Variants in COL7A1 observed in about 807,000 individuals in gnomAD.
COL7A1 encodes collagen type VII alpha 1 chain, also known as collagen alpha-1(VII) chain.
In COL7A1, 296 loss-of-function variants were observed where a neutral mutation model predicts 456.2. The ratio of observed to expected loss-of-function variants is 0.65; its 90% CI spans 0.59 to 0.71. The LOEUF is 0.71. COL7A1 is among the 30% of genes least tolerant of loss of function. The pLI, the probability that COL7A1 is intolerant of heterozygous loss-of-function variation, is 0.00. For synonymous variants in COL7A1, 1,464 were observed against 1,525.9 expected (o/e 0.96, Z 0.95); for missense variants, 3,441 against 4,017.2 (o/e 0.86, Z 3.88).
chr3:48,572,502 C>T lies in COL7A1; in HGVS notation c.6936+1G>A, dbSNP rs1453794304. 6.2e-7 allele frequency: 1 copy of T among 1,613,904 alleles called. No individual in the cohort carries two copies. The highest frequency in any genetic ancestry group is 8.5e-7 in the Non-Finnish European group (1 of 1,179,926). On this transcript the variant is annotated splice_donor_variant, in intron 89 of 118. Transcript: ENST00000681320. LOFTEE classifies it high-confidence loss of function. This position sits in a 1 kb window ranked among gnomAD's most constrained non-coding sequence, Gnocchi z 4.6. The stretch of plus-strand genomic sequence containing the variant: ...TCACTGGCAGCCCCACACACACTCA[C>T]CTTCTCTCCCTTTGCTCCAGGGAGC...
At chr3:48,582,690 G>A (rs2044856638) in intron 44 of COL7A1, 37 bp from the exon 45 acceptor site, 1 of 1,609,940 alleles carries the variant, frequency 6.2e-7, no homozygotes, top group Non-Finnish European at 8.5e-7. Context: ...GCAGGTGGGT[G>A]GGGACGGGGG....
chr3:48,581,965 A>C lies in COL7A1; in HGVS notation c.4636-22T>G. On this transcript the variant is annotated intron_variant, in intron 47 of 118. Transcript: ENST00000681320. This position sits in a 1 kb window ranked among gnomAD's most constrained non-coding sequence, Gnocchi z 5.8. ...GTCCCTGAAAACAAACAGGACAGAT[A>C]CAGCTTGGCCCTGCCTTGGGGTTGT... 1 of 1,613,998 alleles carries C rather than the reference A, an allele frequency of 6.2e-7. No individual in the cohort carries two copies. The highest frequency in any genetic ancestry group is 1.1e-5 in the South Asian group (1 of 91,084).
In COL7A1 at chr3:48,593,551, G is replaced by A; in HGVS notation, c.412C>T (p.Pro138Ser). 1 of 1,614,194 alleles carries A rather than the reference G, an allele frequency of 6.2e-7. No individual in the cohort carries two copies. The highest frequency in any genetic ancestry group is 8.5e-7 in the Non-Finnish European group (1 of 1,180,034). Residue 138 changes from proline to serine, a missense_variant, in exon 4 of 119, where the codon CCT becomes TCT. Pro to Ser is a moderately conservative substitution (Grantham distance 74). Transcript: ENST00000681320. This position sits in a 1 kb window ranked among gnomAD's most constrained non-coding sequence, Gnocchi z 4.4. ...DHVFLPQLAR[P>S]GVPKVCILIT... ...GTAGGGATCACCTTGGGGACACCAGGTCGGGCCAGCTGGGGCAGGAAGACA... is the reference window on the plus strand; with the variant it reads ...GTAGGGATCACCTTGGGGACACCAGATCGGGCCAGCTGGGGCAGGAAGACA...
chr3:48,566,353 T>C lies in COL7A1; in HGVS notation c.8359-38A>G, dbSNP rs765171880. 4 of 1,605,406 alleles carry C rather than the reference T, an allele frequency of 2.5e-6. No individual in the cohort carries two copies. The South Asian group carries it at 4.4e-5, about 18-fold the overall frequency. Reference sequence around the variant, plus strand: ...GACCACAGGGACCATAAAGAACCCATGGCCCACAGGAAGGACATAGGGCAC... The same window carrying C: ...GACCACAGGGACCATAAAGAACCCACGGCCCACAGGAAGGACATAGGGCAC... On this transcript the variant is annotated intron_variant, in intron 113 of 118. Transcript: ENST00000681320. The surrounding 1 kb of genome is among the most constrained non-coding windows in gnomAD (Gnocchi z 5.9).
Position 48,566,907 on chromosome 3 carries a change from C to T in COL7A1, c.8226G>A (p.Lys2742=), listed in dbSNP as rs1471106443. 1.2e-6 allele frequency: 2 copies of T among 1,601,024 alleles called. No individual in the cohort carries two copies. The highest frequency in any genetic ancestry group is 2.2e-5 in the East Asian group (1 of 44,498). The change falls in exon 111 of 119, where the codon AAG becomes AAA. Residue 2742 remains lysine, a splice_region_variant and synonymous_variant. Coordinates refer to ENST00000681320, the MANE Select transcript of COL7A1 (RefSeq NM_000094.4). This position sits in a 1 kb window ranked among gnomAD's most constrained non-coding sequence, Gnocchi z 5.9. ...PRGPEGLQGQ[K]GERGPPGERV... ...AGGAGTCAGAGCTGGGGCCCCTTAC[C>T]TTCTGGCCCTGAAGTCCTTCGGGGC...
At position 48,591,431 on chromosome 3, in the gene COL7A1, G is replaced by A; in HGVS notation, c.1636+33C>T. The A allele has an allele frequency of 6.2e-7, 1 of 1,611,188 alleles. No individual in the cohort carries two copies. On this transcript the variant is annotated intron_variant, in intron 13 of 118. Transcript: ENST00000681320. This position sits in a 1 kb window ranked among gnomAD's most constrained non-coding sequence, Gnocchi z 7.0. The stretch of plus-strand genomic sequence containing the variant: ...ACCCCTCAGGCTGGAACTTCAGTGT[G>A]TGTGGTGGGGGTGCTGGCTGCGTCC...
At chr3:48,582,752 G>A (rs1250759789) in intron 44 of COL7A1, 99 bp from the exon 45 acceptor site, 1 of 1,354,732 alleles carries the variant, frequency 7.4e-7, no homozygotes, top group Admixed American at 1.8e-5. Context: ...AGGGGTCAGG[G>A]AAGATTGGGA....
At position 48,585,560 on chromosome 3, in the gene COL7A1, C is replaced by T. The variant is rs2045181064; in HGVS notation, c.3891G>A (p.Glu1297=). Reference sequence around the variant, plus strand: ...CCTCGATGGTCTCCACACTCACCCTCTCGCCCTTGGCAGTGGCACTTCCAG... The same window carrying T: ...CCTCGATGGTCTCCACACTCACCCTTTCGCCCTTGGCAGTGGCACTTCCAG... ...GPPGSATAKG[E]RGFPGADGRP... Residue 1297 remains glutamate (E), a synonymous_variant, in exon 32 of 119, where the codon GAG becomes GAA. Coordinates refer to ENST00000681320, the MANE Select transcript of COL7A1 (RefSeq NM_000094.4). This position sits in a 1 kb window ranked among gnomAD's most constrained non-coding sequence, Gnocchi z 4.5. 1 of 1,613,760 alleles carries T rather than the reference C, an allele frequency of 6.2e-7. No individual in the cohort carries two copies. The highest frequency in any genetic ancestry group is 1.7e-5 in the Admixed American group (1 of 60,010).
chr3:48,583,037 TCCACGTTCGC>T lies in COL7A1; in HGVS notation c.4484_4493del (p.Gly1495AspfsTer212). 1 of 1,613,702 alleles carries T rather than the reference TCCACGTTCGC, an allele frequency of 6.2e-7. No homozygotes were observed. The highest frequency in any genetic ancestry group is 8.5e-7 in the Non-Finnish European group (1 of 1,179,910). Reference sequence around the variant, plus strand: ...CCCGGGATCCCGCTGGGCCTGGGGGTCCACGTTCGCCCTGATGGAAAAGAAGAGGTCAGAG... The same window carrying T: ...CCCGGGATCCCGCTGGGCCTGGGGGTCCTGATGGAAAAGAAGAGGTCAGAG... On this transcript the variant is annotated frameshift_variant and splice_region_variant, in exon 44 of 119. Coordinates refer to ENST00000681320, the MANE Select transcript of COL7A1 (RefSeq NM_000094.4). LOFTEE classifies it high-confidence loss of function. The surrounding 1 kb of genome is among the most constrained non-coding windows in gnomAD (Gnocchi z 5.1).
Position 48,578,297 on chromosome 3 carries a change from C to T in COL7A1, c.5532+24G>A, listed in dbSNP as rs1321153592. 1.4e-5 allele frequency: 23 copies of T among 1,612,028 alleles called. No individual in the cohort carries two copies. The highest frequency in any genetic ancestry group is 1.0e-4 in the Admixed American group (6 of 59,986). On this transcript the variant is annotated intron_variant, in intron 65 of 118. Coordinates refer to ENST00000681320, the MANE Select transcript of COL7A1 (RefSeq NM_000094.4). This position sits in a 1 kb window ranked among gnomAD's most constrained non-coding sequence, Gnocchi z 4.7. ...GCTGGCGTTTCTTGGCAGGTTTCGC[C>T]GCAGCTGCCCTGGACACACTCACGT...
At position 48,580,661 on chromosome 3, in the gene COL7A1, A is replaced by G. The variant is rs746536715; in HGVS notation, c.4981-9T>C. ...CGAACTCCAGGTGCCCCCTAAGAAG[A>G]GCAGCTGGCCTGAGACAGACCCTCC... On this transcript the variant is annotated splice_polypyrimidine_tract_variant and intron_variant, in intron 54 of 118. Coordinates refer to ENST00000681320, the MANE Select transcript of COL7A1 (RefSeq NM_000094.4). The surrounding 1 kb of genome is among the most constrained non-coding windows in gnomAD (Gnocchi z 4.5). 2.5e-6 allele frequency: 4 copies of G among 1,613,392 alleles called. No homozygotes were observed. The African/African-American group carries it at 5.4e-5, about 22-fold the overall frequency.
At position 48,575,233 on chromosome 3, in the gene COL7A1, C is replaced by T. The variant is rs866061439; in HGVS notation, c.6190G>A (p.Gly2064Arg). 1 of 1,613,930 alleles carries T rather than the reference C, an allele frequency of 6.2e-7. No homozygotes were observed. Among genetic ancestry groups the T allele is most frequent in the Non-Finnish European group, 8.5e-7 (1 of 1,180,012 alleles). ...TGTTCTCCACGTTCTCCTTTCTCTCCCCGTTCTCCCTGAAATGCAAATAGC... is the reference window on the plus strand; with the variant it reads ...TGTTCTCCACGTTCTCCTTTCTCTCTCCGTTCTCCCTGAAATGCAAATAGC... The part of the protein sequence containing the change: ...AGRPGERGER[G>R]EKGERGEQGR... The change falls in exon 75 of 119, where the codon GGA becomes AGA. Residue 2064 changes from glycine (G) to arginine (R), a missense_variant. Gly to Arg is a moderately radical substitution (Grantham distance 125). This residue lies in a region of COL7A1 where 2,084 missense variants were observed against 2,501.3 expected (regional missense o/e 0.83). Coordinates refer to ENST00000681320, the MANE Select transcript of COL7A1 (RefSeq NM_000094.4). This position sits in a 1 kb window ranked among gnomAD's most constrained non-coding sequence, Gnocchi z 6.3.
In COL7A1 at chr3:48,588,453, G is replaced by T; in HGVS notation, c.2588-49C>A. On this transcript the variant is annotated intron_variant, in intron 20 of 118. Coordinates refer to ENST00000681320, the MANE Select transcript of COL7A1 (RefSeq NM_000094.4). This position sits in a 1 kb window ranked among gnomAD's most constrained non-coding sequence, Gnocchi z 4.6. ...GGGAGGCTCTGCCCCCATGGCCCCT[G>T]CACCAATCCCAGGCCCACCCTGGCA... The T allele has an allele frequency of 6.3e-7, 1 of 1,599,224 alleles. No individual in the cohort carries two copies.
intron 44 of COL7A1, 111 bp from the exon 45 acceptor site, chr3:48,582,764 T>A: frequency 7.8e-7 from 1 of 1,288,292 alleles, no homozygotes; most frequent in Non-Finnish European, 1.1e-6. Context: ...AGATTGGGAT[T>A]TAGGTTGGCA....
rs2107809377 is a variant in COL7A1, at chr3:48,594,753, G to A, written c.86-205C>T. Among the ~76,000 whole-genome samples the A allele has an allele frequency of 6.6e-6, 1 of 152,318 alleles. No individual in the cohort carries two copies. The highest frequency in any genetic ancestry group is 2.1e-4 in the South Asian group (1 of 4,826). ...CAGACTCCCGCGGAGGGTTGGGGGTGTGCGGGGGAGGGAGAGTCGCCAGCA... is the reference window on the plus strand; with the variant it reads ...CAGACTCCCGCGGAGGGTTGGGGGTATGCGGGGGAGGGAGAGTCGCCAGCA... On this transcript the variant is annotated intron_variant, in intron 2 of 118. Transcript: ENST00000681320. The surrounding 1 kb of genome is among the most constrained non-coding windows in gnomAD (Gnocchi z 5.5).
Position 48,583,378 on chromosome 3 carries a change from C to T in COL7A1, c.4437+15G>A. The T allele has an allele frequency of 6.2e-7, 1 of 1,614,054 alleles. No individual in the cohort carries two copies. On this transcript the variant is annotated intron_variant, in intron 42 of 118. Transcript: ENST00000681320. The surrounding 1 kb of genome is among the most constrained non-coding windows in gnomAD (Gnocchi z 5.1). ...GTAGCACCCCTCACACCTGAATCCCCCAACTGGTACTCACTTTGGGGCCAA... is the reference window on the plus strand; with the variant it reads ...GTAGCACCCCTCACACCTGAATCCCTCAACTGGTACTCACTTTGGGGCCAA...
In COL7A1 at chr3:48,576,687, G is replaced by A. The variant is rs776935349; in HGVS notation, c.5689C>T (p.Pro1897Ser). ...GPPGLPGPVG[P>S]PGQGFPGVPG... ...CCCAGGACACTCACCTGGCCAGGAGGGCCCACTGGCCCTGGGAGGCCTGGA... is the reference window on the plus strand; with the variant it reads ...CCCAGGACACTCACCTGGCCAGGAGAGCCCACTGGCCCTGGGAGGCCTGGA... The change falls in exon 68 of 119, where the codon CCT becomes TCT. Residue 1897 changes from proline to serine, a missense_variant. Around this residue, in one of 3 missense-constraint regions of COL7A1, gnomAD observed 2,084 missense variants for 2,501.3 expected, o/e 0.83. Coordinates refer to ENST00000681320, the MANE Select transcript of COL7A1 (RefSeq NM_000094.4). The A allele has an allele frequency of 5.6e-6, 9 of 1,606,478 alleles. No homozygotes were observed. The Admixed American group carries it at 6.8e-5, about 12-fold the overall frequency.
Position 48,590,165 on chromosome 3 carries a change from G to A in COL7A1, c.2050+48C>T, listed in dbSNP as rs756466146. 6.2e-7 allele frequency: 1 copy of A among 1,600,770 alleles called. No individual in the cohort carries two copies. Among genetic ancestry groups the A allele is most frequent in the South Asian group, 1.1e-5 (1 of 89,902 alleles). On this transcript the variant is annotated intron_variant, in intron 16 of 118. Transcript: ENST00000681320. This position sits in a 1 kb window ranked among gnomAD's most constrained non-coding sequence, Gnocchi z 4.6. The stretch of plus-strand genomic sequence containing the variant: ...TCTGCAAGGGAAGGCATGGGGGTCT[G>A]AAAGAGCAATGGAGGCAGAGAGCCA...
In COL7A1 at chr3:48,565,720, A is replaced by G. The variant is rs112403334; in HGVS notation, c.8408-52T>C. The G allele has an allele frequency of 2.6e-6, 4 of 1,547,692 alleles. No homozygotes were observed. The highest frequency in any genetic ancestry group is 2.7e-5 in the African/African-American group (2 of 73,576). ...GACAATGACAGAGAGAAGGATGGGA[A>G]GATGGAGAGACAGACAGAGACACAC... is the stretch of plus-strand genomic sequence containing the variant. On this transcript the variant is annotated intron_variant, in intron 114 of 118. Coordinates refer to ENST00000681320, the MANE Select transcript of COL7A1 (RefSeq NM_000094.4). This position sits in a 1 kb window ranked among gnomAD's most constrained non-coding sequence, Gnocchi z 4.5.
Sources: gnomAD v4.1 joint callset for allele counts (sites outside exome capture counted in the v4.1 genomes callset) on GRCh38, gnomAD v4.1.1 for gene constraint, gnomAD v4.1.1 regional missense constraint, Gnocchi (gnomAD v3.1) non-coding constraint, MANE v1.5 for transcripts, NCBI Gene and HGNC (gene_info 2026-07-23, HGNC 2026-07-21) for gene names.